TMTC4: variants seen among roughly 807,000 people sequenced by gnomAD.
TMTC4 encodes transmembrane O-mannosyltransferase targeting cadherins 4.
Under a neutral mutation model 86.0 loss-of-function variants are expected in TMTC4, and 65 were observed. The ratio of observed to expected loss-of-function variants is 0.76; its 90% confidence interval spans 0.62 to 0.93. The LOEUF (loss-of-function observed/expected upper bound fraction) is 0.93. TMTC4 is among the 40% of genes least tolerant of loss of function. The pLI, the probability that TMTC4 is intolerant of heterozygous loss-of-function variation, is 0.00. For synonymous variants in TMTC4, 379 were observed against 382.5 expected, an observed-to-expected ratio of 0.99 and a Z score of 0.11; for missense variants, 866 against 948.1, an observed-to-expected ratio of 0.91 and a Z score of 1.14.
At chr13:100,617,557 T>C (rs993834059) in intron 15 of TMTC4, among the ~76,000 whole-genome samples, 24 of 152,236 alleles carry the variant, frequency 1.6e-4, no homozygotes, top group Non-Finnish European at 5.9e-5. Context: ...GCTAGCCAGC[T>C]ATCCCAGCAC....
intron 15 of TMTC4, among the ~76,000 whole-genome samples, chr13:100,617,742 A>G (rs1878741148): frequency 6.6e-6 from 1 of 152,186 alleles, no homozygotes; most frequent in Admixed American, 6.5e-5. Context: ...CTGTGGCCTT[A>G]CAGTATAGTT....
chr13:100,616,448 G>A (rs1473051407), intron 15 of TMTC4, among the ~76,000 whole-genome samples: 1 of 152,146 alleles, frequency 6.6e-6, no homozygotes, highest in East Asian at 1.9e-4. Flanking sequence ...TAATCCACCT[G>A]CCTCGGACTT....
rs116338643 is a variant in TMTC4 at position 100,632,911 on chromosome 13, T to C, written c.1506+1894A>G. 1.6e-3 allele frequency among the ~76,000 whole-genome samples: 250 copies of C among 152,256 alleles called. 4 individuals carry two copies. Among genetic ancestry groups the C allele is most frequent in the African/African-American group, 5.8e-3 (239 of 41,558 alleles). Reference sequence around the variant, plus strand: ...AATGATCATTATTTCATGATAATAATCTATACTAAAAGAAAATTCTTCTAA... The same window carrying C: ...AATGATCATTATTTCATGATAATAACCTATACTAAAAGAAAATTCTTCTAA... On this transcript the variant is annotated intron_variant, in intron 12 of 18. Transcript: ENST00000342624.
chr13:100,634,899 A>T lies in TMTC4; in HGVS notation c.1412T>A (p.Ile471Asn). Residue 471 changes from isoleucine to asparagine, a missense_variant, in exon 12 of 19, where the codon ATC (isoleucine) becomes AAC (asparagine). Transcript: ENST00000342624. Reference sequence around the variant, plus strand: ...GCGCAGCACACATCTCAGCGTGTTGATGAATAAGATTCCCAGCACGACAGC... The same window carrying T: ...GCGCAGCACACATCTCAGCGTGTTGTTGAATAAGATTCCCAGCACGACAGC... ...IAAVVLGILFINTLRCVLRSG... is the reference protein window; with the variant it reads ...IAAVVLGILFNNTLRCVLRSG... 3 of 1,614,172 alleles carry T rather than the reference A, an allele frequency of 1.9e-6. No homozygotes were observed. The highest frequency in any genetic ancestry group is 2.5e-6 in the Non-Finnish European group (3 of 1,180,034).
intron 12 of TMTC4, among the ~76,000 whole-genome samples, chr13:100,632,053 A>ACTCTCTCTCT (rs67759381): frequency 1.7e-3 from 72 of 43,110 alleles, no homozygotes; most frequent in East Asian, 4.0e-3. Context: ...ACACACACAC[A>ACTCTCTCTCT]CTCTCTCTCT....
intron 12 of TMTC4, 61 bp from the exon 13 acceptor site, chr13:100,626,211 C>T (rs1184852479): frequency 1.2e-5 from 18 of 1,513,516 alleles, no homozygotes; most frequent in Admixed American, 5.1e-5. Context: ...GCCTGGACCC[C>T]ATCACATCTT....
At position 100,634,951 on chromosome 13, in the gene TMTC4, G is replaced by T; in HGVS notation, c.1375-15C>A. 6.2e-7 allele frequency: 1 copy of T among 1,613,304 alleles called. No homozygotes were observed. The highest frequency in any genetic ancestry group is 1.3e-5 in the African/African-American group (1 of 75,040). On this transcript the variant is annotated splice_polypyrimidine_tract_variant and intron_variant, in intron 11 of 18. Transcript: ENST00000342624. The stretch of plus-strand genomic sequence containing the variant: ...GCAATGAGTTTCTTAAGAACAGAAA[G>T]ACATGGTAATTGTCACCAGTGAGAT...
At chr13:100,655,313 G>A (rs550232747) in intron 6 of TMTC4, among the ~76,000 whole-genome samples, 237 of 152,200 alleles carry the variant, frequency 1.6e-3, no homozygotes, top group Non-Finnish European at 2.7e-3. Flanking sequence ...GTAAGCCACC[G>A]CACCAGGCCC....
intron 6 of TMTC4, among the ~76,000 whole-genome samples, chr13:100,643,361 C>G (rs1476847278): frequency 1.3e-5 from 2 of 152,232 alleles, no homozygotes; most frequent in African/African-American, 4.8e-5. Context: ...AATGCCAGCT[C>G]TGCCACTCAC....
intron 16 of TMTC4, 78 bp downstream of exon 16, chr13:100,614,238 A>G (rs1878111174): frequency 1.9e-6 from 2 of 1,059,414 alleles, no homozygotes; most frequent in Non-Finnish European, 2.8e-6. Context: ...AAGCACAATA[A>G]TCTCTATTTC....
intron 15 of TMTC4, chr13:100,614,843 A>T (rs1413844941): frequency 1.9e-5 from 16 of 847,626 alleles, no homozygotes; most frequent in Non-Finnish European, 2.3e-5. Flanking sequence ...TTCACTAAAG[A>T]CTTCATAAGT....
intron 3 of TMTC4, among the ~76,000 whole-genome samples, chr13:100,665,420 G>A (rs1229840551): frequency 2.6e-5 from 4 of 152,168 alleles, no homozygotes; most frequent in Admixed American, 2.0e-4. Flanking sequence ...AAACAAAAAG[G>A]GAATTCTTCA....
intron 16 of TMTC4, 141 bp from the exon 17 acceptor site, chr13:100,612,651 TAATACACACACACACAC>T: frequency 1.9e-6 from 1 of 532,852 alleles, no homozygotes; most frequent in Non-Finnish European, 3.3e-6. Context: ...GTAGATCATG[TAATACACACACACACAC>T]ACACACACAC....
At chr13:100,609,819 T>C (rs550723168) in intron 17 of TMTC4, among the ~76,000 whole-genome samples, 4 of 152,230 alleles carry the variant, frequency 2.6e-5, no homozygotes, top group South Asian at 2.1e-4. Flanking sequence ...ATTTTATAGA[T>C]GAACAAACTG....
intron 7 of TMTC4, among the ~76,000 whole-genome samples, chr13:100,640,854 C>G (rs1882914872): frequency 6.6e-6 from 1 of 151,566 alleles, no homozygotes; most frequent in Non-Finnish European, 1.5e-5. Flanking sequence ...CTTTCCATTT[C>G]TCTACCTCTG....
At chr13:100,648,514 T>C (rs892776243) in intron 6 of TMTC4, among the ~76,000 whole-genome samples, 1 of 152,218 alleles carries the variant, frequency 6.6e-6, no homozygotes, top group Non-Finnish European at 1.5e-5. Flanking sequence ...TGCATGGCAG[T>C]GTCTAGACCA....
chr13:100,623,947 G>A lies in TMTC4; in HGVS notation c.1836+1588C>T, dbSNP rs555697703. The A allele has an allele frequency of 1.1e-5, 5 of 462,048 alleles. 1 individual carries two copies. Among genetic ancestry groups the A allele is most frequent in the East Asian group, 1.4e-4 (2 of 14,406 alleles). 28.6% of individuals were successfully genotyped at this position (462,048 alleles called of 1,614,324 possible). Reference sequence around the variant, plus strand: ...TTGGTGCCTAAAGCTGTCTTTGGGGGTAGTACATTGTATGGGTCCAGTCTC... The same window carrying A: ...TTGGTGCCTAAAGCTGTCTTTGGGGATAGTACATTGTATGGGTCCAGTCTC... On this transcript the variant is annotated intron_variant, in intron 15 of 18. Transcript: ENST00000342624.
At chr13:100,627,340 G>T (rs1049445659) in intron 12 of TMTC4, among the ~76,000 whole-genome samples, 3 of 152,198 alleles carry the variant, frequency 2.0e-5, no homozygotes, top group Admixed American at 1.3e-4. Context: ...CAGGGTTGCA[G>T]CAATAAAGCA....
At chr13:100,668,181 C>G (rs1886621797) in intron 3 of TMTC4, among the ~76,000 whole-genome samples, 1 of 151,806 alleles carries the variant, frequency 6.6e-6, no homozygotes, top group Non-Finnish European at 1.5e-5. Flanking sequence ...GGCAGGTGAT[C>G]ACACCCGTCC....
Sources: allele counts gnomAD v4.1 joint callset (sites outside exome capture counted in the v4.1 genomes callset), GRCh38; gene constraint gnomAD v4.1.1; transcripts MANE v1.5; gene names NCBI Gene and HGNC (gene_info 2026-07-23, HGNC 2026-07-21).